Variants in PPP1R12B observed in about 807,000 individuals in gnomAD.
PPP1R12B encodes protein phosphatase 1 regulatory subunit 12B.
A neutral mutation model predicts 126.1 loss-of-function variants in PPP1R12B; 76 were observed. That is an observed-to-expected ratio of 0.60 (90% confidence interval 0.50 to 0.73). The LOEUF (loss-of-function observed/expected upper bound fraction) is 0.73, where lower values mean the gene tolerates loss of function less well. Among genes scored for constraint, PPP1R12B ranks in the 30% least tolerant of loss-of-function variants. PPP1R12B has a pLI of 0.00. For synonymous variants in PPP1R12B, 356 were observed against 434.7 expected, an observed-to-expected ratio of 0.82 and a Z score of 2.25; for missense variants, 1,052 against 1,205.1, an observed-to-expected ratio of 0.87 and a Z score of 1.88.
intron 1 of PPP1R12B, among the ~76,000 whole-genome samples, chr1:202,408,205 A>T (rs2741850): frequency 6.6e-6 from 1 of 152,106 alleles, no homozygotes; most frequent in Non-Finnish European, 1.5e-5. Context: ...GGGGACTTTG[A>T]GCTTAGAAAT....
At position 202,493,203 on chromosome 1, in the gene PPP1R12B, G is replaced by A. The variant is rs1200016449; in HGVS notation, c.2031G>A (p.Lys677=). The change falls in exon 15 of 24, where the codon AAG becomes AAA. Residue 677 remains lysine (K), a synonymous_variant. Transcript: ENST00000608999. ...AAGCTCAGGAGCAGCCTCGTGAGAA[G>A]CCCACAGACACTGAAGGGCTTGAGG... ...ERQAQEQPRE[K]PTDTEGLEGS... 1 of 1,612,790 alleles carries A rather than the reference G, an allele frequency of 6.2e-7. No homozygotes were observed. Among genetic ancestry groups the A allele is most frequent in the Non-Finnish European group, 8.5e-7 (1 of 1,179,854 alleles).
At chr1:202,468,237 C>G (rs1046770067) in intron 13 of PPP1R12B, among the ~76,000 whole-genome samples, 2 of 152,156 alleles carry the variant, frequency 1.3e-5, no homozygotes, top group Non-Finnish European at 2.9e-5. Flanking sequence ...AATTAGATCC[C>G]ATTTGTCAAT....
At chr1:202,514,503 A>T (rs1681887104) in intron 18 of PPP1R12B, among the ~76,000 whole-genome samples, 1 of 151,972 alleles carries the variant, frequency 6.6e-6, no homozygotes, top group African/African-American at 2.4e-5. Context: ...ATCTTTGCCC[A>T]TTTCTATGTC....
chr1:202,551,751 C>A (rs183205452), intron 18 of PPP1R12B, among the ~76,000 whole-genome samples: 1 of 152,100 alleles, frequency 6.6e-6, no homozygotes, highest in Non-Finnish European at 1.5e-5. Flanking sequence ...GATGATGGAA[C>A]GGGAAGCCAG....
chr1:202,465,463 A>C (rs1253445258), intron 13 of PPP1R12B, among the ~76,000 whole-genome samples: 1 of 152,224 alleles, frequency 6.6e-6, no homozygotes. Context: ...CCTCTCTGAA[A>C]TCTAGATGGG....
intron 1 of PPP1R12B, among the ~76,000 whole-genome samples, chr1:202,400,762 ACT>A (rs1163400583): frequency 6.6e-6 from 1 of 152,238 alleles, no homozygotes; most frequent in African/African-American, 2.4e-5. Context: ...AAGAAATAGT[ACT>A]GTTATTCCCA....
chr1:202,431,899 G>A (rs1251139398), intron 8 of PPP1R12B, among the ~76,000 whole-genome samples: 5 of 152,244 alleles, frequency 3.3e-5, no homozygotes, highest in African/African-American at 4.8e-5. Context: ...GGCCAAGTGC[G>A]GTGGCTTGCT....
intron 1 of PPP1R12B, among the ~76,000 whole-genome samples, chr1:202,360,240 A>T (rs1253216253): frequency 6.6e-6 from 1 of 152,230 alleles, no homozygotes; most frequent in Non-Finnish European, 1.5e-5. Context: ...AAATAATGTC[A>T]GGTTATCTCT....
At chr1:202,495,799 G>A (rs1346800485) in intron 17 of PPP1R12B, 117 bp downstream of exon 17, 1 of 867,050 alleles carries the variant, frequency 1.2e-6, no homozygotes, top group Admixed American at 2.6e-5. Context: ...TTCTCAGGAA[G>A]TATTACTGAG....
At chr1:202,364,851 C>T (rs1159686183) in intron 1 of PPP1R12B, among the ~76,000 whole-genome samples, 1 of 152,136 alleles carries the variant, frequency 6.6e-6, no homozygotes, top group Non-Finnish European at 1.5e-5. Flanking sequence ...GCTGGGATTA[C>T]AGGCGTGAGC....
At chr1:202,529,304 T>C (rs1410311436) in intron 18 of PPP1R12B, among the ~76,000 whole-genome samples, 1 of 147,414 alleles carries the variant, frequency 6.8e-6, no homozygotes, top group Non-Finnish European at 1.5e-5. Context: ...ATGTTATTAT[T>C]GAAAAAAAAA....
intron 1 of PPP1R12B, among the ~76,000 whole-genome samples, chr1:202,402,124 G>A (rs1665936305): frequency 6.6e-6 from 1 of 152,210 alleles, no homozygotes; most frequent in Non-Finnish European, 1.5e-5. Flanking sequence ...GCCAGGCTAT[G>A]TGGAAAGTCT....
At chr1:202,398,991 A>T (rs923315075) in intron 1 of PPP1R12B, among the ~76,000 whole-genome samples, 9 of 152,144 alleles carry the variant, frequency 5.9e-5, no homozygotes, top group Middle Eastern at 6.8e-3. Context: ...ATATATATAT[A>T]TTTTTTGTAA....
At chr1:202,415,031 A>C (rs1667886129) in intron 1 of PPP1R12B, among the ~76,000 whole-genome samples, 1 of 152,146 alleles carries the variant, frequency 6.6e-6, no homozygotes, top group South Asian at 2.1e-4. Flanking sequence ...CTACCACCTC[A>C]GCCTCTCAAA....
At chr1:202,537,243 A>C (rs1173039363) in intron 18 of PPP1R12B, among the ~76,000 whole-genome samples, 2 of 152,072 alleles carry the variant, frequency 1.3e-5, no homozygotes, top group African/African-American at 4.8e-5. Context: ...TGTCCCAGCT[A>C]CTTGGGAGGC....
intron 13 of PPP1R12B, among the ~76,000 whole-genome samples, chr1:202,486,127 C>T (rs1678084916): frequency 6.6e-6 from 1 of 152,168 alleles, no homozygotes; most frequent in Non-Finnish European, 1.5e-5. Flanking sequence ...AGCCAGCTAC[C>T]CGCCTGGGCC....
intron 1 of PPP1R12B, among the ~76,000 whole-genome samples, chr1:202,377,533 C>T (rs573506878): frequency 1.4e-4 from 21 of 151,380 alleles, no homozygotes; most frequent in Non-Finnish European, 2.7e-4. Flanking sequence ...CTCGATCTCC[C>T]GACACCATGA....
chr1:202,460,145 C>G (rs917118077), intron 13 of PPP1R12B, among the ~76,000 whole-genome samples: 1 of 152,186 alleles, frequency 6.6e-6, no homozygotes, highest in Non-Finnish European at 1.5e-5. Context: ...TTCTCTCTCA[C>G]CCAACCCTGA....
chr1:202,531,045 G>A (rs917403617), intron 18 of PPP1R12B, among the ~76,000 whole-genome samples: 1 of 152,150 alleles, frequency 6.6e-6, no homozygotes, highest in African/African-American at 2.4e-5. Flanking sequence ...TATCATTATT[G>A]ATCTTCTCCA....
Sources: allele counts gnomAD v4.1 joint callset (sites outside exome capture counted in the v4.1 genomes callset), GRCh38; gene constraint gnomAD v4.1.1; transcripts MANE v1.5; gene names NCBI Gene and HGNC (gene_info 2026-07-23, HGNC 2026-07-21).